The following PDK2 variants were observed in gnomAD, a reference collection of about 807,000 sequenced individuals.
PDK2 encodes pyruvate dehydrogenase kinase 2, also known as pyruvate dehydrogenase kinase, isozyme 2.
PDK2 carries 34 observed loss-of-function variants against 50.4 expected under a neutral mutation model. The observed-to-expected ratio is 0.68, with a 90% confidence interval of 0.51 to 0.90. The LOEUF is 0.90. Among genes scored for constraint, PDK2 ranks in the 40% least tolerant of loss-of-function variants. The pLI is 0.00. For missense variants in PDK2, 377 were observed against 544.5 expected (o/e 0.69, Z 3.06); for synonymous variants, 232 against 216.0 (o/e 1.07, Z -0.65).
At chr17:50,095,839 T>C in intron 1 of PDK2, 2 of 1,132,662 alleles carry the variant, frequency 1.8e-6, no homozygotes, top group Non-Finnish European at 2.2e-6. Context: ...GTGATGTTAC[T>C]GCAGGAAGGG....
At position 50,095,639 on chromosome 17, in the gene PDK2, G is replaced by C; in HGVS notation, c.118+86G>C. ...CGGGGGCTAGGGGGACGGAGGAGAAGAAAGGCCCCGAGTGACAGAGAAGGG... is the reference window on the plus strand; with the variant it reads ...CGGGGGCTAGGGGGACGGAGGAGAACAAAGGCCCCGAGTGACAGAGAAGGG... On this transcript the variant is annotated intron_variant, in intron 1 of 10. Coordinates refer to ENST00000503176, the MANE Select transcript of PDK2 (RefSeq NM_002611.5). 2 of 1,500,408 alleles carry C rather than the reference G, an allele frequency of 1.3e-6. 1 individual carries two copies. The highest frequency in any genetic ancestry group is 4.3e-5 in the Admixed American group (2 of 46,316). The allele number at this position is 1,500,408 out of a possible 1,614,324, so 92.9% of individuals were successfully genotyped here.
rs1361343357 is a variant in PDK2 at position 50,105,363 on chromosome 17, C to T, written c.261-8C>T. 6.3e-7 allele frequency: 1 copy of T among 1,596,186 alleles called. No individual in the cohort carries two copies. The highest frequency in any genetic ancestry group is 1.1e-5 in the South Asian group (1 of 88,460). ...GCTGAGGCTGTGTCCCCTCCCGCCC[C>T]CACACAGGTATGTCCAGAGCCTCCT... is the stretch of plus-strand genomic sequence containing the variant. On this transcript the variant is annotated splice_region_variant and splice_polypyrimidine_tract_variant and intron_variant, in intron 2 of 10. Coordinates refer to ENST00000503176, the MANE Select transcript of PDK2 (RefSeq NM_002611.5).
intron 4 of PDK2, 110 bp from the exon 5 acceptor site, chr17:50,106,684 C>T (rs1398929873): frequency 5.7e-6 from 5 of 872,248 alleles, no homozygotes; most frequent in African/African-American, 1.7e-5. Context: ...GGACTGGAGC[C>T]TACAGAGGCA....
At chr17:50,107,294 A>G in intron 6 of PDK2, 141 bp downstream of exon 6, 1 of 681,242 alleles carries the variant, frequency 1.5e-6, no homozygotes, top group South Asian at 1.8e-5. Flanking sequence ...TTTGATAAAT[A>G]TTTGGGCTGG....
Position 50,097,571 on chromosome 17 carries a change from C to T in PDK2, c.260+7C>T. ...TGCAGCTGGTGCAGAGCTGGTGAGA[C>T]CCCTGGCTCAGTCCCTGCACCTCCC... On this transcript the variant is annotated splice_region_variant and intron_variant, in intron 2 of 10. Transcript: ENST00000503176. The T allele has an allele frequency of 6.2e-7, 1 of 1,612,086 alleles. No individual in the cohort carries two copies. The highest frequency in any genetic ancestry group is 1.1e-5 in the South Asian group (1 of 91,078).
At chr17:50,102,979 C>A (rs557180517) in intron 2 of PDK2, among the ~76,000 whole-genome samples, 8 of 152,244 alleles carry the variant, frequency 5.3e-5, no homozygotes, top group Admixed American at 4.6e-4. Context: ...TATCACTAAC[C>A]TCTCAGTGCT....
At chr17:50,104,267 G>T (rs1304129800) in intron 2 of PDK2, 1 of 152,086 alleles carries the variant, frequency 6.6e-6, no homozygotes, top group Non-Finnish European at 1.5e-5. Flanking sequence ...TTATTTTTTG[G>T]GGGGACAGAG....
At position 50,109,279 on chromosome 17, in the gene PDK2, C is replaced by G; in HGVS notation, c.970-8C>G. Reference sequence around the variant, plus strand: ...CCTCATCCTCACTGCCTTCCTGCCCCGCTGCAGGCTGGCTTTGGTTATGGG... The same window carrying G: ...CCTCATCCTCACTGCCTTCCTGCCCGGCTGCAGGCTGGCTTTGGTTATGGG... On this transcript the variant is annotated splice_polypyrimidine_tract_variant and splice_region_variant and intron_variant, in intron 9 of 10. Transcript: ENST00000503176. The surrounding 1 kb of genome is among the most constrained non-coding windows in gnomAD (Gnocchi z 5.0). The G allele has an allele frequency of 6.3e-7, 1 of 1,599,650 alleles. No individual in the cohort carries two copies. Among genetic ancestry groups the G allele is most frequent in the Non-Finnish European group, 8.6e-7 (1 of 1,168,510 alleles).
In PDK2 at chr17:50,107,982, C is replaced by T; in HGVS notation, c.686-174C>T. Reference sequence around the variant, plus strand: ...GAAAGCAGGGCCCAAGAATTGAATGCATCACTTCCATGAGTCACCAGCTAC... The same window carrying T: ...GAAAGCAGGGCCCAAGAATTGAATGTATCACTTCCATGAGTCACCAGCTAC... On this transcript the variant is annotated intron_variant, in intron 6 of 10. Coordinates refer to ENST00000503176, the MANE Select transcript of PDK2 (RefSeq NM_002611.5). The T allele has an allele frequency of 4.7e-6, 3 of 632,588 alleles. No individual in the cohort carries two copies. In the South Asian group the frequency reaches 5.5e-5, roughly 12 times the overall value. The allele number at this position is 632,588 out of a possible 1,614,324, so 39.2% of individuals were successfully genotyped here.
At chr17:50,102,514 A>G (rs1369245368) in intron 2 of PDK2, among the ~76,000 whole-genome samples, 1 of 145,428 alleles carries the variant, frequency 6.9e-6, no homozygotes, top group Non-Finnish European at 1.5e-5. Flanking sequence ...CTTCATCCCC[A>G]CCTGCCTCCT....
intron 2 of PDK2, chr17:50,098,740 T>C (rs1046436707): frequency 1.3e-5 from 2 of 152,020 alleles, no homozygotes; most frequent in Admixed American, 1.3e-4. Flanking sequence ...TGAGATATGG[T>C]GAGGGGCAGT....
At chr17:50,107,244 C>A (rs1910564864) in intron 6 of PDK2, 91 bp downstream of exon 6, 2 of 931,794 alleles carry the variant, frequency 2.1e-6, no homozygotes, top group African/African-American at 1.6e-5. Context: ...GGACTGTTTT[C>A]TAGACAGGGG....
In PDK2 at chr17:50,095,521, C is replaced by T. The variant is rs772555190; in HGVS notation, c.86C>T (p.Ser29Phe). ...YIEHFSKFSP[S>F]PLSMKQFLDF... ...GAGCACTTCAGCAAGTTCTCCCCGT[C>T]CCCGCTGTCCATGAAGCAGTTTCTG... is the stretch of plus-strand genomic sequence containing the variant. Residue 29 changes from serine (S) to phenylalanine (F), a missense_variant, in exon 1 of 11, where the codon TCC becomes TTC. Coordinates refer to ENST00000503176, the MANE Select transcript of PDK2 (RefSeq NM_002611.5). The T allele has an allele frequency of 6.2e-7, 1 of 1,607,078 alleles. No homozygotes were observed. Among genetic ancestry groups the T allele is most frequent in the East Asian group, 2.2e-5 (1 of 44,642 alleles).
rs759126404 is a variant in PDK2, at chr17:50,109,382, T to C, written c.1065T>C (p.Asp355=). 3.7e-6 allele frequency: 6 copies of C among 1,610,852 alleles called. No homozygotes were observed. Among genetic ancestry groups the C allele is most frequent in the Non-Finnish European group, 5.1e-6 (6 of 1,177,646 alleles). ...TCTCCATGGAAGGCTTTGGGACCGATGCTGTCATCTATCTCAAGGTGAGGG... is the reference window on the plus strand; with the variant it reads ...TCTCCATGGAAGGCTTTGGGACCGACGCTGTCATCTATCTCAAGGTGAGGG... ...QLFSMEGFGT[D]AVIYLKALST... is the part of the protein sequence containing the mutation. Residue 355 remains aspartate, a synonymous_variant, in exon 10 of 11, where the codon GAT becomes GAC. Coordinates refer to ENST00000503176, the MANE Select transcript of PDK2 (RefSeq NM_002611.5). This position sits in a 1 kb window ranked among gnomAD's most constrained non-coding sequence, Gnocchi z 5.0.
chr17:50,105,229 A>G (rs1910442463), intron 2 of PDK2, 142 bp from the exon 3 acceptor site: 3 of 508,282 alleles, frequency 5.9e-6, no homozygotes, highest in Non-Finnish European at 1.1e-5. Flanking sequence ...ATGGATGGAG[A>G]AAAATAGTGA....
Position 50,095,970 on chromosome 17 carries a change from G to A in PDK2, c.118+417G>A, listed in dbSNP as rs1909917127. ...CTGCTGGTGGGAGTGAGGAGGCAGG[G>A]TTTAGAGGTGCAGCCATCTGTAGAG... On this transcript the variant is annotated intron_variant, in intron 1 of 10. Transcript: ENST00000503176. 3.9e-5 allele frequency: 20 copies of A among 507,728 alleles called. No individual in the cohort carries two copies. The South Asian group carries it at 1.2e-3, about 31-fold the overall frequency. The allele number at this position is 507,728 out of a possible 1,614,324, so 31.5% of individuals were successfully genotyped here.
rs1598216085 is a variant in PDK2, at chr17:50,108,808, T to C, written c.969+89T>C. The C allele has an allele frequency of 3.7e-6, 3 of 803,454 alleles. No homozygotes were observed. In the African/African-American group the frequency reaches 5.1e-5, roughly 14 times the overall value. 49.8% of individuals were successfully genotyped at this position (803,454 alleles called of 1,614,324 possible). The stretch of plus-strand genomic sequence containing the variant: ...CTTATCTCCCTGCTCACTCAGCTTC[T>C]GTGTGGCCGTCTGTGACAGTCACCT... On this transcript the variant is annotated intron_variant, in intron 9 of 10. Coordinates refer to ENST00000503176, the MANE Select transcript of PDK2 (RefSeq NM_002611.5).
chr17:50,106,132 C>T (rs774497876), intron 4 of PDK2, 63 bp downstream of exon 4: 178 of 1,549,670 alleles, frequency 1.1e-4, no homozygotes, highest in East Asian at 4.1e-4. Context: ...GGCCCAGGGC[C>T]GGGCTGCTGA....
intron 2 of PDK2, among the ~76,000 whole-genome samples, chr17:50,103,499 G>A (rs1435807188): frequency 1.3e-5 from 2 of 152,216 alleles, no homozygotes; most frequent in African/African-American, 2.4e-5. Flanking sequence ...TATGTGCTAG[G>A]CACTGTGCTA....
Sources: allele counts gnomAD v4.1 joint callset (sites outside exome capture counted in the v4.1 genomes callset), GRCh38; gene constraint gnomAD v4.1.1; non-coding constraint Gnocchi (gnomAD v3.1); transcripts MANE v1.5; gene names NCBI Gene and HGNC (gene_info 2026-07-23, HGNC 2026-07-21).